Variants in SLC4A10 observed in about 807,000 individuals in gnomAD.
SLC4A10 encodes sodium-driven chloride bicarbonate exchanger.
SLC4A10 carries 42 observed loss-of-function variants against 137.7 expected under a neutral mutation model. That is an observed-to-expected ratio of 0.30 (90% confidence interval 0.24 to 0.39). The LOEUF (loss-of-function observed/expected upper bound fraction) is 0.39. SLC4A10 is among the 10% of genes least tolerant of loss of function. SLC4A10 has a pLI of 1.00. For synonymous variants in SLC4A10, 474 were observed against 464.1 expected, an observed-to-expected ratio of 1.02 and a Z score of -0.27; for missense variants, 925 against 1,355.0, an observed-to-expected ratio of 0.68 and a Z score of 4.98.
At position 161,984,372 on chromosome 2, in the gene SLC4A10, AG is replaced by A. The variant is rs1700586934; in HGVS notation, c.*1221del. ...TTATGAAGTTTTGGACATTACTAAA[AG>A]TACAGTATTTGATTTCACTTTCAAT... On this transcript the variant is annotated 3_prime_UTR_variant, in exon 27 of 27. Coordinates refer to ENST00000446997, the MANE Select transcript of SLC4A10 (RefSeq NM_001178015.2). 1 of 152,188 alleles carries A rather than the reference AG, an allele frequency of 6.6e-6. No individual in the cohort carries two copies. Among genetic ancestry groups the A allele is most frequent in the Non-Finnish European group, 1.5e-5 (1 of 68,002 alleles). 9.4% of individuals were successfully genotyped at this position (152,188 alleles called of 1,614,324 possible). A position where few individuals can be genotyped will look rare whatever the true frequency, so the allele number is the denominator to read the frequency against.
chr2:161,897,023 A>G (rs1490162726), intron 11 of SLC4A10, among the ~76,000 whole-genome samples: 3 of 152,120 alleles, frequency 2.0e-5, no homozygotes, highest in Non-Finnish European at 4.4e-5. Flanking sequence ...ATCATATTAT[A>G]TAGAAAACTC....
At chr2:161,833,957 T>G (rs2058599559) in intron 3 of SLC4A10, among the ~76,000 whole-genome samples, 1 of 152,192 alleles carries the variant, frequency 6.6e-6, no homozygotes, top group South Asian at 2.1e-4. Flanking sequence ...ACTGATCATC[T>G]CCTCTCAGCC....
chr2:161,694,072 T>A (rs2042256561), intron 1 of SLC4A10, among the ~76,000 whole-genome samples: 2 of 152,052 alleles, frequency 1.3e-5, no homozygotes, highest in African/African-American at 2.4e-5. Context: ...CAGCCCCTTT[T>A]CTTTTATTAC....
At chr2:161,788,660 T>C (rs1288611283) in intron 2 of SLC4A10, among the ~76,000 whole-genome samples, 2 of 152,168 alleles carry the variant, frequency 1.3e-5, no homozygotes, top group African/African-American at 4.8e-5. Flanking sequence ...GAAATGCCCC[T>C]TTGGTGGCTA....
At chr2:161,959,181 CG>C (rs1247238427) in intron 21 of SLC4A10, among the ~76,000 whole-genome samples, 1 of 152,080 alleles carries the variant, frequency 6.6e-6, no homozygotes, top group Admixed American at 6.5e-5. Context: ...AGTGATATCC[CG>C]GGGGTTTTCC....
intron 3 of SLC4A10, among the ~76,000 whole-genome samples, chr2:161,820,673 G>C (rs928216955): frequency 2.0e-5 from 3 of 152,144 alleles, no homozygotes. Context: ...TATATGCACG[G>C]TATGTATGCA....
intron 1 of SLC4A10, among the ~76,000 whole-genome samples, chr2:161,758,373 T>A (rs2049893805): frequency 6.6e-6 from 1 of 151,960 alleles, no homozygotes; most frequent in Non-Finnish European, 1.5e-5. Flanking sequence ...TTGAAGTTCA[T>A]CTCCTCATGT....
At chr2:161,839,061 A>G (rs2059002059) in intron 3 of SLC4A10, among the ~76,000 whole-genome samples, 2 of 152,238 alleles carry the variant, frequency 1.3e-5, no homozygotes, top group South Asian at 4.1e-4. Context: ...AGAAACCCAA[A>G]TGTCCTCCAG....
At chr2:161,936,289 TC>T (rs1471220024) in intron 15 of SLC4A10, among the ~76,000 whole-genome samples, 1 of 152,138 alleles carries the variant, frequency 6.6e-6, no homozygotes, top group Non-Finnish European at 1.5e-5. Flanking sequence ...TGTAATGCTT[TC>T]CTCATAAAAT....
intron 2 of SLC4A10, among the ~76,000 whole-genome samples, chr2:161,803,691 T>G (rs2055612004): frequency 6.6e-6 from 1 of 152,146 alleles, no homozygotes; most frequent in Non-Finnish European, 1.5e-5. Flanking sequence ...TTTTTGTGGT[T>G]GACAGCTCAT....
intron 26 of SLC4A10, among the ~76,000 whole-genome samples, chr2:161,981,984 A>G (rs1700280153): frequency 6.6e-6 from 1 of 152,168 alleles, no homozygotes; most frequent in Non-Finnish European, 1.5e-5. Context: ...AGGAAAAACA[A>G]TTTAAAAAAC....
At chr2:161,916,169 A>G (rs892015730) in intron 15 of SLC4A10, among the ~76,000 whole-genome samples, 1 of 152,188 alleles carries the variant, frequency 6.6e-6, no homozygotes, top group Non-Finnish European at 1.5e-5. Context: ...TGTGGCAGGC[A>G]TAGCAAACTA....
intron 1 of SLC4A10, among the ~76,000 whole-genome samples, chr2:161,666,705 T>C (rs774348092): frequency 8.6e-5 from 13 of 151,562 alleles, no homozygotes; most frequent in African/African-American, 1.5e-4. Flanking sequence ...ATGGAAGGAG[T>C]TCTTAAGGAT....
intron 1 of SLC4A10, among the ~76,000 whole-genome samples, chr2:161,645,969 A>G (rs1480583523): frequency 1.3e-5 from 2 of 152,104 alleles, no homozygotes; most frequent in East Asian, 1.9e-4. Context: ...TTCAATATAT[A>G]TAACTTCTAT....
chr2:161,954,625 G>T (rs1695339085), intron 19 of SLC4A10, among the ~76,000 whole-genome samples: 1 of 152,126 alleles, frequency 6.6e-6, no homozygotes, highest in Non-Finnish European at 1.5e-5. Flanking sequence ...GAAGGATACT[G>T]GTTAGTTAGG....
chr2:161,683,164 G>C (rs2124840167), intron 1 of SLC4A10, among the ~76,000 whole-genome samples: 1 of 152,222 alleles, frequency 6.6e-6, no homozygotes, highest in Non-Finnish European at 1.5e-5. Context: ...CAGATATCAT[G>C]TGGCAAATAG....
intron 1 of SLC4A10, among the ~76,000 whole-genome samples, chr2:161,718,396 A>T (rs1038878735): frequency 2.0e-5 from 3 of 151,772 alleles, no homozygotes; most frequent in Non-Finnish European, 2.9e-5. Flanking sequence ...TGATGTTAGG[A>T]TGTGGGTTTG....
intron 1 of SLC4A10, among the ~76,000 whole-genome samples, chr2:161,662,243 A>AT (rs1235048657): frequency 2.0e-5 from 3 of 152,190 alleles, no homozygotes; most frequent in South Asian, 2.1e-4. Flanking sequence ...TTAAGTATTC[A>AT]TTTTTTTAAA....
chr2:161,982,511 A>C (rs537357947), intron 26 of SLC4A10, among the ~76,000 whole-genome samples: 1 of 152,180 alleles, frequency 6.6e-6, no homozygotes, highest in Non-Finnish European at 1.5e-5. Flanking sequence ...TGGTAAAGTT[A>C]ATGAGAGGGT....
Sources: gnomAD v4.1 joint callset for allele counts (sites outside exome capture counted in the v4.1 genomes callset) on GRCh38, gnomAD v4.1.1 for gene constraint, MANE v1.5 for transcripts, NCBI Gene and HGNC (gene_info 2026-07-23, HGNC 2026-07-21) for gene names.